DGKB: variants seen among roughly 807,000 people sequenced by gnomAD.
DGKB encodes diacylglycerol kinase beta, also known as 90 kDa diacylglycerol kinase.
Under a neutral mutation model 114.3 loss-of-function variants are expected in DGKB, and 67 were observed. The observed-to-expected ratio is 0.59, with a 90% CI of 0.48 to 0.72. The LOEUF (loss-of-function observed/expected upper bound fraction) is 0.72, where lower values mean the gene tolerates loss of function less well. Ranked by LOEUF, DGKB falls within the 30% of genes least tolerant of loss-of-function variation. The pLI, the probability that DGKB is intolerant of heterozygous loss-of-function variation, is 0.00. For synonymous variants in DGKB, 398 were observed against 323.1 expected (o/e 1.23, Z -2.49); for missense variants, 907 against 975.2 (o/e 0.93, Z 0.93).
chr7:14,424,042 C>T (rs61518678), intron 21 of DGKB, among the ~76,000 whole-genome samples: 2,261 of 152,182 alleles, frequency 0.015, 51 homozygotes, highest in African/African-American at 0.047. Context: ...TTACTCCCTA[C>T]CTGGTCTTGG....
intron 23 of DGKB, among the ~76,000 whole-genome samples, chr7:14,291,176 C>CTGAT (rs965412054): frequency 2.1e-5 from 3 of 144,674 alleles, no homozygotes; most frequent in Non-Finnish European, 3.0e-5. Context: ...GAATGTTAGA[C>CTGAT]TGATAGATAC....
At position 14,838,506 on chromosome 7, in the gene DGKB, G is replaced by A. The variant is rs1013278541; in HGVS notation, c.70+2688C>T. 2.2e-4 allele frequency among the ~76,000 whole-genome samples: 33 copies of A among 151,982 alleles called. 1 individual carries two copies. The highest frequency in any genetic ancestry group is 3.4e-3 in the Middle Eastern group (1 of 294). On this transcript the variant is annotated intron_variant, in intron 2 of 25. Coordinates refer to ENST00000402815, the MANE Select transcript of DGKB (RefSeq NM_001350709.2). The stretch of plus-strand genomic sequence containing the variant: ...ACCATAATCCCTTCTTTTAAAACTG[G>A]AGGAAAATTTCAGATCACTCTCTCT...
intron 23 of DGKB, among the ~76,000 whole-genome samples, chr7:14,265,402 C>T (rs62443661): frequency 0.38 from 52,901 of 139,390 alleles, 10,065 homozygotes; most frequent in African/African-American, 0.5. Flanking sequence ...TTCTGCTACT[C>T]TCCCGTACTG....
chr7:14,477,328 C>A (rs1782330771), intron 21 of DGKB, among the ~76,000 whole-genome samples: 2 of 152,060 alleles, frequency 1.3e-5, no homozygotes, highest in South Asian at 4.1e-4. Context: ...AAGATGTCAG[C>A]CAAATGCAGC....
In DGKB at chr7:14,487,145, G is replaced by A. The variant is rs6943087; in HGVS notation, c.1771-8920C>T. 9.8e-3 allele frequency among the ~76,000 whole-genome samples: 1,487 copies of A among 152,242 alleles called. 25 individuals are homozygous for A. The highest frequency in any genetic ancestry group is 0.033 in the African/African-American group (1,354 of 41,540). On this transcript the variant is annotated intron_variant, in intron 20 of 25. Coordinates refer to ENST00000402815, the MANE Select transcript of DGKB (RefSeq NM_001350709.2). ...CTCCAGACTGCCGAGTGGTAGTTGTGCCTTGTAATCGTTTCTGGATTTTTA... is the reference window on the plus strand; with the variant it reads ...CTCCAGACTGCCGAGTGGTAGTTGTACCTTGTAATCGTTTCTGGATTTTTA...
intron 2 of DGKB, among the ~76,000 whole-genome samples, chr7:14,814,769 T>C (rs1484312273): frequency 6.7e-6 from 1 of 149,608 alleles, no homozygotes; most frequent in East Asian, 2.0e-4. Flanking sequence ...TGCTTGTAAA[T>C]GTTTTCTTTA....
At chr7:14,911,909 A>G (rs983038456) in intron 1 of DGKB, among the ~76,000 whole-genome samples, 2 of 152,208 alleles carry the variant, frequency 1.3e-5, no homozygotes, top group African/African-American at 4.8e-5. Flanking sequence ...TGTCAATAAA[A>G]CAGTATGCAG....
intron 23 of DGKB, among the ~76,000 whole-genome samples, chr7:14,279,234 C>T (rs1799507683): frequency 6.6e-6 from 1 of 152,172 alleles, no homozygotes; most frequent in African/African-American, 2.4e-5. Context: ...GGGTCCTACC[C>T]CCACGGAGTC....
At chr7:14,490,395 C>G (rs973319127) in intron 20 of DGKB, among the ~76,000 whole-genome samples, 7 of 152,120 alleles carry the variant, frequency 4.6e-5, no homozygotes, top group African/African-American at 1.7e-4. Flanking sequence ...TTAGATATCT[C>G]AAAGTGACAG....
At chr7:14,392,935 T>C (rs1430407987) in intron 21 of DGKB, among the ~76,000 whole-genome samples, 2 of 151,612 alleles carry the variant, frequency 1.3e-5, no homozygotes, top group African/African-American at 4.8e-5. Context: ...CAAAAGCATT[T>C]CAGGGAAGGG....
At chr7:14,554,073 T>C (rs1485248283) in intron 20 of DGKB, among the ~76,000 whole-genome samples, 1 of 151,740 alleles carries the variant, frequency 6.6e-6, no homozygotes, top group African/African-American at 2.4e-5. Context: ...GGGGTTTCAC[T>C]GTGTTAGCCA....
chr7:14,187,402 C>T (rs1189696604), intron 23 of DGKB, among the ~76,000 whole-genome samples: 1 of 152,182 alleles, frequency 6.6e-6, no homozygotes, highest in Non-Finnish European at 1.5e-5. Flanking sequence ...TCCCATTTCC[C>T]TGCAAATACC....
chr7:14,922,819 C>T (rs1219087399), intron 1 of DGKB, among the ~76,000 whole-genome samples: 5 of 151,808 alleles, frequency 3.3e-5, no homozygotes, highest in Non-Finnish European at 5.9e-5. Flanking sequence ...TCAAGCTAAA[C>T]ACCATACCCA....
chr7:14,580,984 A>G, intron 18 of DGKB, 33 bp from the exon 19 acceptor site: 3 of 1,504,690 alleles, frequency 2.0e-6, no homozygotes, highest in Non-Finnish European at 2.7e-6. Flanking sequence ...AATAAAGAAA[A>G]TTTTAAGTTC....
intron 23 of DGKB, among the ~76,000 whole-genome samples, chr7:14,199,119 T>G (rs942968556): frequency 6.6e-6 from 1 of 151,986 alleles, no homozygotes; most frequent in Non-Finnish European, 1.5e-5. Context: ...TACATAGTAA[T>G]TTTTTTGCTC....
chr7:14,686,861 T>C (rs1329797730), intron 9 of DGKB, among the ~76,000 whole-genome samples: 1 of 152,106 alleles, frequency 6.6e-6, no homozygotes, highest in Non-Finnish European at 1.5e-5. Flanking sequence ...TTCTTTCTTT[T>C]TTTTCTTCTT....
At chr7:14,833,711 C>T (rs1366840620) in intron 2 of DGKB, among the ~76,000 whole-genome samples, 8 of 152,148 alleles carry the variant, frequency 5.3e-5, no homozygotes, top group South Asian at 2.1e-4. Flanking sequence ...CATGCTCATA[C>T]ACAAATATGT....
At chr7:14,775,580 C>T (rs183211195) in intron 2 of DGKB, among the ~76,000 whole-genome samples, 14 of 152,056 alleles carry the variant, frequency 9.2e-5, no homozygotes, top group East Asian at 2.0e-4. Flanking sequence ...TACTTCCATG[C>T]TGTTTTTGTG....
At chr7:14,850,010 A>C (rs4721381) in intron 1 of DGKB, among the ~76,000 whole-genome samples, 137,070 of 152,188 alleles carry the variant, frequency 0.9, 62,043 homozygotes, top group East Asian at 1. Context: ...TCCTACCTCA[A>C]CCCATCCCCT....
Sources: allele counts gnomAD v4.1 joint callset (sites outside exome capture counted in the v4.1 genomes callset), GRCh38; gene constraint gnomAD v4.1.1; transcripts MANE v1.5; gene names NCBI Gene and HGNC (gene_info 2026-07-23, HGNC 2026-07-21).